Variants in PLIN1 observed in about 807,000 individuals in gnomAD.
PLIN1 encodes perilipin-1.
Under a neutral mutation model 45.8 loss-of-function variants are expected in PLIN1, and 37 were observed. The observed-to-expected ratio is 0.81, with a 90% CI of 0.62 to 1.06. PLIN1 has a LOEUF of 1.06. Ranked by LOEUF, PLIN1 falls within the 50% of genes least tolerant of loss-of-function variation. The pLI is 0.00. For missense variants in PLIN1, 776 were observed against 716.5 expected, an observed-to-expected ratio of 1.08 and a Z score of -0.95; for synonymous variants, 340 against 309.2, an observed-to-expected ratio of 1.10 and a Z score of -1.05.
chr15:89,667,049 G>A lies in PLIN1; in HGVS notation c.1096C>T (p.His366Tyr), dbSNP rs148207845. The change falls in exon 8 of 9, where the codon CAC (histidine) becomes TAC (tyrosine). Residue 366 changes from histidine (H) to tyrosine (Y), a missense_variant. His to Tyr is a moderately conservative substitution (Grantham distance 83). Transcript: ENST00000300055. The stretch of plus-strand genomic sequence containing the variant: ...GAGACAGCAGGGGCTGGTGTGAGGT[G>A]CAGCACCCTCCCTGCCATGCCCAGC... Reference protein sequence around the residue: ...AVLGMAGRVLHLTPAPAVSST... With the variant: ...AVLGMAGRVLYLTPAPAVSST... The A allele has an allele frequency of 5.0e-6, 8 of 1,613,978 alleles. No homozygotes were observed. The African/African-American group carries it at 6.7e-5, about 13-fold the overall frequency.
At position 89,665,658 on chromosome 15, in the gene PLIN1, G is replaced by A. The variant is rs756911042; in HGVS notation, c.1494C>T (p.Asp498=). The change falls in exon 9 of 9, where the codon GAC becomes GAT. Residue 498 remains aspartate (D), a synonymous_variant. Transcript: ENST00000300055. Reference sequence around the variant, plus strand: ...CCATGACGCTGGGCCGGAAGAAGCTGTCGCTGACCCTGCGCTTTGGCTTCT... The same window carrying A: ...CCATGACGCTGGGCCGGAAGAAGCTATCGCTGACCCTGCGCTTTGGCTTCT... ...PREKPKRRVS[D]SFFRPSVMEP... 2 of 1,499,886 alleles carry A rather than the reference G, an allele frequency of 1.3e-6. No homozygotes were observed. Among genetic ancestry groups the A allele is most frequent in the South Asian group, 1.2e-5 (1 of 80,140 alleles). 92.9% of individuals were successfully genotyped at this position (1,499,886 alleles called of 1,614,324 possible). A position where few individuals can be genotyped will look rare whatever the true frequency, so the allele number is the denominator to read the frequency against.
intron 8 of PLIN1, among the ~76,000 whole-genome samples, 153 bp from the exon 9 acceptor site, chr15:89,666,095 C>G (rs1964336120): frequency 6.6e-6 from 1 of 152,170 alleles, no homozygotes. Flanking sequence ...TGGGGGGCAC[C>G]GGGGAAAGCC....
At chr15:89,675,126 A>G (rs937950804) in intron 2 of PLIN1, among the ~76,000 whole-genome samples, 2 of 152,048 alleles carry the variant, frequency 1.3e-5, no homozygotes, top group Non-Finnish European at 2.9e-5. Flanking sequence ...AAAAAACAAA[A>G]AACAAACAAA....
chr15:89,665,577 G>C lies in PLIN1; in HGVS notation c.*6C>G, dbSNP rs1438278998. 5 of 1,526,264 alleles carry C rather than the reference G, an allele frequency of 3.3e-6. No individual in the cohort carries two copies. The highest frequency in any genetic ancestry group is 4.4e-6 in the Non-Finnish European group (5 of 1,138,710). 94.5% of individuals were successfully genotyped at this position (1,526,264 alleles called of 1,614,324 possible). ...CGGCCCGGGGCGCGGCGGCTGGTGC[G>C]GCGACTCAGCTCTTCTTGCGCAGCT... On this transcript the variant is annotated 3_prime_UTR_variant, in exon 9 of 9. Coordinates refer to ENST00000300055, the MANE Select transcript of PLIN1 (RefSeq NM_002666.5).
At position 89,669,204 on chromosome 15, in the gene PLIN1, G is replaced by A. The variant is rs182531365; in HGVS notation, c.771+296C>T. Among the ~76,000 whole-genome samples, 1,226 of 152,146 alleles carry A rather than the reference G, an allele frequency of 8.1e-3. 26 individuals are homozygous for A. Among genetic ancestry groups the A allele is most frequent in the African/African-American group, 0.029 (1,185 of 41,482 alleles). On this transcript the variant is annotated intron_variant, in intron 6 of 8. Transcript: ENST00000300055. ...AGGTCCACTTGGGGGTATGAAGGCT[G>A]GGGCTTGTGGGAGACTCAGAGGGAA... is the stretch of plus-strand genomic sequence containing the variant.
At position 89,667,164 on chromosome 15, in the gene PLIN1, G is replaced by A. The variant is rs376401359; in HGVS notation, c.981C>T (p.Gly327=). The change falls in exon 8 of 9, where the codon GGC becomes GGT. Residue 327 remains glycine, a synonymous_variant. Coordinates refer to ENST00000300055, the MANE Select transcript of PLIN1 (RefSeq NM_002666.5). The part of the protein sequence containing the change: ...NKFSEVAALP[G]PRGLLGGVAH... The stretch of plus-strand genomic sequence containing the variant: ...CCACACCACCCAGGAGGCCTCGAGG[G>A]CCTGGCAGGGCTGCTACCTGGGGGC... 38 of 1,613,428 alleles carry A rather than the reference G, an allele frequency of 2.4e-5. No homozygotes were observed. The East Asian group carries it at 3.8e-4, about 16-fold the overall frequency.
At chr15:89,677,604 TGG>T in intron 1 of PLIN1, 101 bp from the exon 2 acceptor site, 2 of 956,386 alleles carry the variant, frequency 2.1e-6, no homozygotes, top group Non-Finnish European at 3.4e-6. Flanking sequence ...CCAGGCTGCC[TGG>T]GGGCCCATTT....
At chr15:89,669,912 C>A (rs1964410698) in intron 5 of PLIN1, 68 bp downstream of exon 5, 9 of 1,527,508 alleles carry the variant, frequency 5.9e-6, no homozygotes, top group Non-Finnish European at 8.0e-6. Context: ...GTTGAGCCAC[C>A]TCCTGCTGAT....
rs1964403097 is a variant in PLIN1, at chr15:89,669,553, C to T, written c.718G>A (p.Ala240Thr). ...SRYTVQTMAR[A>T]LEQGHTVAMW... ...GCCACGGTGTGGCCCTGCTCCAGGG[C>T]CCGGGCCATGGTCTGCACGGTGTAT... Residue 240 changes from alanine (A) to threonine (T), a missense_variant, in exon 6 of 9, where the codon GCC (alanine) becomes ACC (threonine). Physicochemically the swap from Ala to Thr is moderately conservative, Grantham distance 58. Transcript: ENST00000300055. The T allele has an allele frequency of 6.2e-7, 1 of 1,613,676 alleles. No homozygotes were observed. Among genetic ancestry groups the T allele is most frequent in the Admixed American group, 1.7e-5 (1 of 60,006 alleles).
chr15:89,668,716 G>T (rs1053638069), intron 6 of PLIN1, among the ~76,000 whole-genome samples: 1 of 152,142 alleles, frequency 6.6e-6, no homozygotes, highest in Non-Finnish European at 1.5e-5. Context: ...ATGTGACTCA[G>T]TCTCAGCTGT....
Position 89,665,018 on chromosome 15 carries a change from A to G in PLIN1, c.*565T>C. 1 of 440,510 alleles carries G rather than the reference A, an allele frequency of 2.3e-6. No homozygotes were observed. The highest frequency in any genetic ancestry group is 1.6e-5 in the South Asian group (1 of 62,030). 27.3% of individuals were successfully genotyped at this position (440,510 alleles called of 1,614,324 possible). On this transcript the variant is annotated 3_prime_UTR_variant, in exon 9 of 9. Coordinates refer to ENST00000300055, the MANE Select transcript of PLIN1 (RefSeq NM_002666.5). ...CTCAGAAAGTGACACTAGTATTTTAAATAAACACCCAAGAGCTTTTGCATC... is the reference window on the plus strand; with the variant it reads ...CTCAGAAAGTGACACTAGTATTTTAGATAAACACCCAAGAGCTTTTGCATC...
Position 89,667,490 on chromosome 15 carries a change from G to A in PLIN1, c.963+112C>T, listed in dbSNP as rs902268391. 159 of 1,514,118 alleles carry A rather than the reference G, an allele frequency of 1.1e-4. 1 individual carries two copies. Among genetic ancestry groups the A allele is most frequent in the South Asian group, 2.7e-4 (24 of 88,600 alleles). The allele number at this position is 1,514,118 out of a possible 1,614,324, so 93.8% of individuals were successfully genotyped here. A position where few individuals can be genotyped will look rare whatever the true frequency, so the allele number is the denominator to read the frequency against. ...GGGGGTGGGGTGAAGGGTGTTGCAC[G>A]CACATGCCGTGCCCCTGCATCTGGG... On this transcript the variant is annotated intron_variant, in intron 7 of 8. Coordinates refer to ENST00000300055, the MANE Select transcript of PLIN1 (RefSeq NM_002666.5).
rs930311706 is a variant in PLIN1 at position 89,665,704 on chromosome 15, C to G, written c.1448G>C (p.Gly483Ala). The G allele has an allele frequency of 3.4e-6, 5 of 1,470,218 alleles. No individual in the cohort carries two copies. In the East Asian group the frequency reaches 8.7e-5, roughly 26 times the overall value. The allele number at this position is 1,470,218 out of a possible 1,614,324, so 91.1% of individuals were successfully genotyped here. Residue 483 changes from glycine to alanine, a missense_variant, in exon 9 of 9, where the codon GGC becomes GCC. Gly to Ala is a moderately conservative substitution (Grantham distance 60). Transcript: ENST00000300055. Reference protein sequence around the residue: ...EVATPAAPRPGFPAVPREKPK... With the variant: ...EVATPAAPRPAFPAVPREKPK... Reference sequence around the variant, plus strand: ...CTTCTCGCGGGGCACGGCCGGGAAGCCCGGGCGCGGCGCTGCGGGCGTGGC... The same window carrying G: ...CTTCTCGCGGGGCACGGCCGGGAAGGCCGGGCGCGGCGCTGCGGGCGTGGC...
Position 89,665,460 on chromosome 15 carries a change from A to T in PLIN1, c.*123T>A. The T allele has an allele frequency of 1.4e-6, 1 of 702,810 alleles. No homozygotes were observed. The highest frequency in any genetic ancestry group is 2.1e-6 in the Non-Finnish European group (1 of 480,202). The allele number at this position is 702,810 out of a possible 1,614,324, so 43.5% of individuals were successfully genotyped here. A position where few individuals can be genotyped will look rare whatever the true frequency, so the allele number is the denominator to read the frequency against. On this transcript the variant is annotated 3_prime_UTR_variant, in exon 9 of 9. Transcript: ENST00000300055. ...AAAAGTGCGCCTTGGCAGCATCATCAGGATGAGGCTGAGCTCCCCAGGGGA... is the reference window on the plus strand; with the variant it reads ...AAAAGTGCGCCTTGGCAGCATCATCTGGATGAGGCTGAGCTCCCCAGGGGA...
Position 89,665,459 on chromosome 15 carries a change from C to A in PLIN1, c.*124G>T. On this transcript the variant is annotated 3_prime_UTR_variant, in exon 9 of 9. Coordinates refer to ENST00000300055, the MANE Select transcript of PLIN1 (RefSeq NM_002666.5). ...AAAAAGTGCGCCTTGGCAGCATCATCAGGATGAGGCTGAGCTCCCCAGGGG... is the reference window on the plus strand; with the variant it reads ...AAAAAGTGCGCCTTGGCAGCATCATAAGGATGAGGCTGAGCTCCCCAGGGG... 1 of 706,352 alleles carries A rather than the reference C, an allele frequency of 1.4e-6. No individual in the cohort carries two copies. Among genetic ancestry groups the A allele is most frequent in the Non-Finnish European group, 2.1e-6 (1 of 484,086 alleles). The allele number at this position is 706,352 out of a possible 1,614,324, so 43.8% of individuals were successfully genotyped here.
chr15:89,669,568 G>T lies in PLIN1; in HGVS notation c.703C>A (p.Gln235Lys), dbSNP rs1964403522. The T allele has an allele frequency of 6.2e-7, 1 of 1,613,712 alleles. No individual in the cohort carries two copies. The highest frequency in any genetic ancestry group is 1.3e-5 in the African/African-American group (1 of 74,920). The stretch of plus-strand genomic sequence containing the variant: ...TGCTCCAGGGCCCGGGCCATGGTCT[G>T]CACGGTGTATCGAGAGAGGGTGTTG... ...LTNTLSRYTV[Q>K]TMARALEQGH... Residue 235 changes from glutamine to lysine, a missense_variant, in exon 6 of 9, where the codon CAG becomes AAG. Transcript: ENST00000300055.
chr15:89,674,567 A>C (rs751599033), intron 2 of PLIN1, among the ~76,000 whole-genome samples: 2 of 152,068 alleles, frequency 1.3e-5, no homozygotes, highest in African/African-American at 2.4e-5. Context: ...TGTCTCCCTG[A>C]ATGAGAGCTC....
At position 89,673,411 on chromosome 15, in the gene PLIN1, G is replaced by C; in HGVS notation, c.49C>G (p.Gln17Glu). 6.3e-7 allele frequency: 1 copy of C among 1,596,112 alleles called. No homozygotes were observed. The highest frequency in any genetic ancestry group is 8.5e-7 in the Non-Finnish European group (1 of 1,170,896). Residue 17 changes from glutamine to glutamate, a missense_variant, in exon 3 of 9, where the codon CAG becomes GAG. By Grantham distance (29) the Gln-to-Glu change is conservative (BLOSUM62 2). Coordinates refer to ENST00000300055, the MANE Select transcript of PLIN1 (RefSeq NM_002666.5). Reference protein sequence around the residue: ...LTLLDGDLPEQENVLQRVLQL... With the variant: ...LTLLDGDLPEEENVLQRVLQL... ...AGGACCCGCTGCAGCACATTCTCCTGCTCCTGGTGCGGAAGGAACACATTC... is the reference window on the plus strand; with the variant it reads ...AGGACCCGCTGCAGCACATTCTCCTCCTCCTGGTGCGGAAGGAACACATTC...
In PLIN1 at chr15:89,669,356, C is replaced by G. The variant is rs1373590953; in HGVS notation, c.771+144G>C. On this transcript the variant is annotated intron_variant, in intron 6 of 8. Transcript: ENST00000300055. ...GCCATCCCTCTACCCCTCTCAAGTC[C>G]TCTTAGAACTGAAGCCCCAGCCCAC... 3.6e-5 allele frequency: 28 copies of G among 768,580 alleles called. No individual in the cohort carries two copies. In the Admixed American group the frequency reaches 4.2e-4, roughly 12 times the overall value. 47.6% of individuals were successfully genotyped at this position (768,580 alleles called of 1,614,324 possible).
Sources: allele counts gnomAD v4.1 joint callset (sites outside exome capture counted in the v4.1 genomes callset), GRCh38; gene constraint gnomAD v4.1.1; transcripts MANE v1.5; gene names NCBI Gene and HGNC (gene_info 2026-07-23, HGNC 2026-07-21).